The following COX7B2 variants were observed in gnomAD, a reference collection of about 807,000 sequenced individuals.
COX7B2 encodes the protein cytochrome c oxidase subunit 7B2, also known as cytochrome c oxidase subunit 7B2, mitochondrial.
For missense variants in COX7B2, 109 were observed against 95.9 expected, an observed-to-expected ratio of 1.14 and a Z score of -0.57; for synonymous variants, 37 against 32.1, an observed-to-expected ratio of 1.15 and a Z score of -0.51.
At chr4:46,902,344 C>A (rs1720115958) in intron 1 of COX7B2, among the ~76,000 whole-genome samples, 2 of 152,162 alleles carry the variant, frequency 1.3e-5, no homozygotes, top group South Asian at 2.1e-4. Context: ...AACAGTGGAC[C>A]TTCCACATAA....
intron 1 of COX7B2, among the ~76,000 whole-genome samples, chr4:46,861,083 G>A (rs74822119): frequency 0.03 from 4,636 of 152,296 alleles, 99 homozygotes; most frequent in Non-Finnish European, 0.047. Context: ...CCTACCCGAG[G>A]GGGTTCATTT....
chr4:46,761,453 T>C (rs1716139103), intron 2 of COX7B2, among the ~76,000 whole-genome samples: 1 of 152,144 alleles, frequency 6.6e-6, no homozygotes, highest in Non-Finnish European at 1.5e-5. Context: ...TCGCTTTAAT[T>C]TGTCAGTCAT....
chr4:46,755,632 A>G (rs561553819), intron 2 of COX7B2, among the ~76,000 whole-genome samples: 1 of 152,264 alleles, frequency 6.6e-6, no homozygotes, highest in South Asian at 2.1e-4. Context: ...AAGATAAAAA[A>G]TAAAGTTACA....
intron 1 of COX7B2, among the ~76,000 whole-genome samples, chr4:46,885,090 T>A (rs1352682524): frequency 6.6e-6 from 1 of 152,134 alleles, no homozygotes; most frequent in Admixed American, 6.5e-5. Flanking sequence ...TTTGCTAATT[T>A]AGGATATATT....
At chr4:46,754,759 C>G (rs1260049322) in intron 2 of COX7B2, among the ~76,000 whole-genome samples, 1 of 40,464 alleles carries the variant, frequency 2.5e-5, no homozygotes, top group Non-Finnish European at 4.4e-5. Context: ...TGAAAGAAAT[C>G]CAGAATAGGC....
At chr4:46,880,721 TA>T (rs373543614) in intron 1 of COX7B2, among the ~76,000 whole-genome samples, 15,589 of 146,572 alleles carry the variant, frequency 0.11, 953 homozygotes, top group South Asian at 0.24. Flanking sequence ...TTTATTCCTT[TA>T]AAAAAAAAAC....
chr4:46,748,209 C>T (rs1449526170), intron 2 of COX7B2, among the ~76,000 whole-genome samples: 1 of 152,174 alleles, frequency 6.6e-6, no homozygotes, highest in Non-Finnish European at 1.5e-5. Flanking sequence ...AAGGTATTCC[C>T]TTAAGTATGT....
intron 2 of COX7B2, among the ~76,000 whole-genome samples, chr4:46,744,269 C>T (rs1423581093): frequency 6.6e-6 from 1 of 152,060 alleles, no homozygotes; most frequent in Admixed American, 6.6e-5. Context: ...ACACCAGTCC[C>T]CTCATTCATC....
chr4:46,771,075 C>T (rs1716849420), intron 2 of COX7B2, among the ~76,000 whole-genome samples: 1 of 152,046 alleles, frequency 6.6e-6, no homozygotes, highest in African/African-American at 2.4e-5. Context: ...TGATAAGGTG[C>T]TAATATCCAA....
chr4:46,893,690 C>T (rs1439030007), intron 1 of COX7B2, among the ~76,000 whole-genome samples: 3 of 152,116 alleles, frequency 2.0e-5, no homozygotes, highest in African/African-American at 7.2e-5. Flanking sequence ...CAAAAACATG[C>T]AGCAAAGTAG....
intron 2 of COX7B2, among the ~76,000 whole-genome samples, chr4:46,844,029 G>T (rs1253884529): frequency 6.6e-6 from 1 of 151,880 alleles, no homozygotes; most frequent in African/African-American, 2.4e-5. Flanking sequence ...GGAGTTTCTG[G>T]CTTGTAAGGA....
intron 2 of COX7B2, among the ~76,000 whole-genome samples, chr4:46,753,412 A>G (rs1285255212): frequency 6.6e-6 from 1 of 152,098 alleles, no homozygotes; most frequent in East Asian, 1.9e-4. Flanking sequence ...AATACCACAC[A>G]TCTACAACCA....
At chr4:46,908,868 C>T (rs1413141937) in intron 1 of COX7B2, among the ~76,000 whole-genome samples, 5 of 151,726 alleles carry the variant, frequency 3.3e-5, no homozygotes. Flanking sequence ...GGTGAAACCC[C>T]GTCTCTACTA....
At position 46,836,738 on chromosome 4, in the gene COX7B2, C is replaced by T. The variant is rs115376376; in HGVS notation, c.-50+8222G>A. ...GATAGATTTGTTATGACTGACAGTA[C>T]AGTGGGTTATTTACAGCAGCATCAC... On this transcript the variant is annotated intron_variant, in intron 2 of 2. Transcript: ENST00000355591. Among the ~76,000 whole-genome samples, 160 of 152,126 alleles carry T rather than the reference C, an allele frequency of 1.1e-3. 1 individual carries two copies. Among genetic ancestry groups the T allele is most frequent in the African/African-American group, 3.7e-3 (153 of 41,522 alleles).
intron 2 of COX7B2, among the ~76,000 whole-genome samples, chr4:46,801,286 A>G (rs898865392): frequency 2.0e-5 from 3 of 152,156 alleles, no homozygotes; most frequent in South Asian, 2.1e-4. Flanking sequence ...ATGCACACAT[A>G]TGTTTATCAC....
At chr4:46,895,458 G>A (rs539000795) in intron 1 of COX7B2, among the ~76,000 whole-genome samples, 174 of 152,200 alleles carry the variant, frequency 1.1e-3, no homozygotes, top group African/African-American at 4.0e-3. Flanking sequence ...TGGGCACAAA[G>A]AGGAGAACAA....
chr4:46,867,554 C>T (rs759442937), intron 1 of COX7B2, among the ~76,000 whole-genome samples: 1 of 152,176 alleles, frequency 6.6e-6, no homozygotes, highest in Non-Finnish European at 1.5e-5. Context: ...CCTTAATTTG[C>T]GTGTAATTAA....
At chr4:46,802,090 G>A (rs1718686367) in intron 2 of COX7B2, among the ~76,000 whole-genome samples, 1 of 152,102 alleles carries the variant, frequency 6.6e-6, no homozygotes, top group African/African-American at 2.4e-5. Flanking sequence ...TCAGTTTGAG[G>A]TGAAATCTCT....
chr4:46,895,698 T>A (rs1719719084), intron 1 of COX7B2, among the ~76,000 whole-genome samples: 1 of 152,132 alleles, frequency 6.6e-6, no homozygotes, highest in Non-Finnish European at 1.5e-5. Context: ...TTTTCTGGAG[T>A]TTGTTATTTT....
Sources: gnomAD v4.1 joint callset for allele counts (sites outside exome capture counted in the v4.1 genomes callset) on GRCh38, gnomAD v4.1.1 for gene constraint, MANE v1.5 for transcripts, NCBI Gene and HGNC (gene_info 2026-07-23, HGNC 2026-07-21) for gene names.